ANKRD28: variants seen among roughly 807,000 people sequenced by gnomAD.
ANKRD28 encodes serine/threonine-protein phosphatase 6 regulatory ankyrin repeat subunit A.
Under a neutral mutation model 126.5 loss-of-function variants are expected in ANKRD28, and 44 were observed. That is an observed-to-expected ratio of 0.35 (90% CI 0.27 to 0.45). The LOEUF is 0.45. ANKRD28 is among the 20% of genes least tolerant of loss of function. The probability of loss-of-function intolerance (pLI) is 1.00; values close to 1 mark genes in which losing one functional copy is unlikely to be tolerated. For synonymous variants in ANKRD28, 442 were observed against 468.5 expected, an observed-to-expected ratio of 0.94 and a Z score of 0.73; for missense variants, 1,110 against 1,316.6, an observed-to-expected ratio of 0.84 and a Z score of 2.43.
rs1029477648 is a variant in ANKRD28 at position 15,851,077 on chromosome 3, T to C, written c.27+8300A>G. 2.0e-5 allele frequency among the ~76,000 whole-genome samples: 3 copies of C among 152,342 alleles called. No homozygotes were observed. In the South Asian group the frequency reaches 6.2e-4, roughly 32 times the overall value. On this transcript the variant is annotated intron_variant, in intron 1 of 27. Transcript: ENST00000399451. ...GAAAACTGAAATGTGACACATTTGCTCACAAAAGCATTCTATGTTGTCAGA... is the reference window on the plus strand; with the variant it reads ...GAAAACTGAAATGTGACACATTTGCCCACAAAAGCATTCTATGTTGTCAGA...
chr3:15,776,234 A>G (rs373674944), intron 2 of ANKRD28, among the ~76,000 whole-genome samples: 1 of 152,264 alleles, frequency 6.6e-6, no homozygotes, highest in African/African-American at 2.4e-5. Flanking sequence ...GTTATTTAAT[A>G]ATATGACATT....
chr3:15,690,601 G>A (rs755637564), intron 17 of ANKRD28, among the ~76,000 whole-genome samples: 1 of 152,106 alleles, frequency 6.6e-6, no homozygotes, highest in Non-Finnish European at 1.5e-5. Flanking sequence ...GTCTTGCTCT[G>A]TTGCCCCAGC....
chr3:15,829,527 G>A (rs1039641226), intron 1 of ANKRD28, among the ~76,000 whole-genome samples: 6 of 152,106 alleles, frequency 3.9e-5, no homozygotes, highest in African/African-American at 1.4e-4. Context: ...TGGTCTAACT[G>A]AACTTTGAAT....
intron 1 of ANKRD28, among the ~76,000 whole-genome samples, chr3:15,806,316 T>C (rs960729005): frequency 2.6e-5 from 4 of 152,196 alleles, no homozygotes; most frequent in African/African-American, 9.7e-5. Context: ...AATTAGCCCA[T>C]TCCTAACTAG....
At chr3:15,806,433 C>T (rs1286224915) in intron 1 of ANKRD28, among the ~76,000 whole-genome samples, 4 of 152,120 alleles carry the variant, frequency 2.6e-5, no homozygotes, top group African/African-American at 7.2e-5. Context: ...ACTTTCAACC[C>T]CATATAGCTG....
chr3:15,671,239 G>A lies in ANKRD28; in HGVS notation c.2966-683C>T, dbSNP rs541596093. Among the ~76,000 whole-genome samples, 21 of 152,074 alleles carry A rather than the reference G, an allele frequency of 1.4e-4. No individual in the cohort carries two copies. In the South Asian group the frequency reaches 1.5e-3, roughly 11 times the overall value. On this transcript the variant is annotated intron_variant, in intron 27 of 27. Coordinates refer to ENST00000683139, the MANE Select transcript of ANKRD28 (RefSeq NM_001349278.2). ...AAGCGGAAGACAACTGACCTTAGTC[G>A]TAAGTTACCACAAAGTGTCAACACA...
At chr3:15,742,780 C>T (rs1162381439) in intron 4 of ANKRD28, among the ~76,000 whole-genome samples, 1 of 137,280 alleles carries the variant, frequency 7.3e-6, no homozygotes, top group Admixed American at 7.4e-5. Context: ...CCCGGCCAGC[C>T]ACCCGGTCCG....
intron 17 of ANKRD28, among the ~76,000 whole-genome samples, chr3:15,692,147 A>T (rs2068888545): frequency 6.9e-6 from 1 of 144,852 alleles, no homozygotes; most frequent in African/African-American, 2.8e-5. Flanking sequence ...CTCTAAATAA[A>T]AAAAAAAAAA....
intron 1 of ANKRD28, among the ~76,000 whole-genome samples, chr3:15,825,632 A>C (rs984552021): frequency 6.6e-6 from 1 of 152,186 alleles, no homozygotes; most frequent in Non-Finnish European, 1.5e-5. Context: ...AAGATTGATA[A>C]GAATGATCAT....
intron 3 of ANKRD28, among the ~76,000 whole-genome samples, chr3:15,753,219 T>C (rs1267999377): frequency 1.3e-5 from 2 of 152,266 alleles, no homozygotes; most frequent in Non-Finnish European, 2.9e-5. Flanking sequence ...TAATAAATAT[T>C]TGGGCAACTA....
At chr3:15,742,084 C>T (rs970199856) in intron 4 of ANKRD28, among the ~76,000 whole-genome samples, 1 of 152,212 alleles carries the variant, frequency 6.6e-6, no homozygotes, top group African/African-American at 2.4e-5. Flanking sequence ...TCTCGGCTCG[C>T]TACAACCTCC....
At chr3:15,850,200 A>T (rs201732036) in intron 1 of ANKRD28, among the ~76,000 whole-genome samples, 1,842 of 47,292 alleles carry the variant, frequency 0.039, 85 homozygotes, top group East Asian at 0.14. Flanking sequence ...TAAAAAAAAA[A>T]AAAAATATAT....
intron 18 of ANKRD28, among the ~76,000 whole-genome samples, chr3:15,686,998 T>C (rs1442993139): frequency 1.3e-5 from 2 of 151,134 alleles, no homozygotes; most frequent in African/African-American, 4.9e-5. Context: ...GGCTGGAGTG[T>C]AGTGGTGTGA....
In ANKRD28 at chr3:15,714,606, G is replaced by C; in HGVS notation, c.1047C>G (p.Phe349Leu). 6.3e-7 allele frequency: 1 copy of C among 1,597,176 alleles called. No individual in the cohort carries two copies. Among genetic ancestry groups the C allele is most frequent in the Non-Finnish European group, 8.5e-7 (1 of 1,174,870 alleles). Reference sequence around the variant, plus strand: ...TCTGGATAATGGTTTGTGATCGGGAGAATCTACCGTGGAGAGCAGTCATGT... The same window carrying C: ...TCTGGATAATGGTTTGTGATCGGGACAATCTACCGTGGAGAGCAGTCATGT... ...PLHMTALHGR[F>L]SRSQTIIQSG... Residue 349 changes from phenylalanine (F) to leucine (L), a missense_variant, in exon 9 of 28, where the codon TTC becomes TTG. Physicochemically the swap from Phe to Leu is conservative, Grantham distance 22. Transcript: ENST00000683139.
At chr3:15,685,549 C>A in intron 20 of ANKRD28, 104 bp from the exon 21 acceptor site, 2 of 979,418 alleles carry the variant, frequency 2.0e-6, no homozygotes, top group Middle Eastern at 2.3e-4. Flanking sequence ...CATATCCTTC[C>A]ATCAATTAAA....
chr3:15,751,616 T>C, intron 4 of ANKRD28, 134 bp downstream of exon 4: 1 of 661,366 alleles, frequency 1.5e-6, no homozygotes, highest in Non-Finnish European at 2.6e-6. Context: ...GTACAAATTC[T>C]AAAGTAAAAT....
At chr3:15,749,916 G>A (rs2057757209) in intron 4 of ANKRD28, among the ~76,000 whole-genome samples, 1 of 152,206 alleles carries the variant, frequency 6.6e-6, no homozygotes, top group African/African-American at 2.4e-5. Context: ...GAGTGAAGCG[G>A]ACTCTGAGGG....
chr3:15,812,790 T>C lies in ANKRD28; in HGVS notation c.28-17484A>G, dbSNP rs2060743719. On this transcript the variant is annotated intron_variant, in intron 1 of 27. Transcript: ENST00000399451. The surrounding 1 kb of genome is among the most constrained non-coding windows in gnomAD (Gnocchi z 4.1). ...ACAGAACAACAAATAAGTCATTCTATGTACTTTTTTAAAAGGTGATCATGG... is the reference window on the plus strand; with the variant it reads ...ACAGAACAACAAATAAGTCATTCTACGTACTTTTTTAAAAGGTGATCATGG... Among the ~76,000 whole-genome samples the C allele has an allele frequency of 6.6e-6, 1 of 152,184 alleles. No homozygotes were observed. Among genetic ancestry groups the C allele is most frequent in the South Asian group, 2.1e-4 (1 of 4,834 alleles).
rs1383487157 is a variant in ANKRD28, at chr3:15,815,087, A to G, written c.28-19781T>C. Among the ~76,000 whole-genome samples, 4 of 151,728 alleles carry G rather than the reference A, an allele frequency of 2.6e-5. No homozygotes were observed. In the South Asian group the frequency reaches 6.2e-4, roughly 24 times the overall value. ...GGGTTGCTTCTATTTTAAAATTCAT[A>G]TATAATAATTTTTCTAAGAATATTA... On this transcript the variant is annotated intron_variant, in intron 1 of 27. Transcript: ENST00000399451. The surrounding 1 kb of genome is among the most constrained non-coding windows in gnomAD (Gnocchi z 4.1).
Sources: allele counts gnomAD v4.1 joint callset (sites outside exome capture counted in the v4.1 genomes callset), GRCh38; gene constraint gnomAD v4.1.1; non-coding constraint Gnocchi (gnomAD v3.1); transcripts MANE v1.5; gene names NCBI Gene and HGNC (gene_info 2026-07-23, HGNC 2026-07-21).